Variants in TP63 observed in about 807,000 individuals in gnomAD.
TP63 encodes tumor protein 63.
Under a neutral mutation model 82.8 loss-of-function variants are expected in TP63, and 17 were observed. The ratio of observed to expected loss-of-function variants is 0.21; its 90% CI spans 0.14 to 0.31. The LOEUF (loss-of-function observed/expected upper bound fraction) is 0.31, where lower values mean the gene tolerates loss of function less well. Among genes scored for constraint, TP63 ranks in the 10% least tolerant of loss-of-function variants. The probability of loss-of-function intolerance (pLI) is 1.00; values close to 1 mark genes in which losing one functional copy is unlikely to be tolerated. For synonymous variants in TP63, 330 were observed against 321.7 expected, an observed-to-expected ratio of 1.03 and a Z score of -0.28; for missense variants, 648 against 895.3, an observed-to-expected ratio of 0.72 and a Z score of 3.52.
chr3:189,646,673 A>G (rs1207101822), intron 1 of TP63, among the ~76,000 whole-genome samples: 1 of 146,946 alleles, frequency 6.8e-6, no homozygotes, highest in Non-Finnish European at 1.5e-5. Context: ...AACAAACACA[A>G]GATATAAGGC....
chr3:189,839,526 T>G (rs1713666846), intron 4 of TP63, among the ~76,000 whole-genome samples: 1 of 152,228 alleles, frequency 6.6e-6, no homozygotes, highest in South Asian at 2.1e-4. Context: ...CTCCCCTTTA[T>G]TTTCTTTGTT....
intron 1 of TP63, among the ~76,000 whole-genome samples, chr3:189,728,906 T>A (rs1490880807): frequency 6.6e-6 from 1 of 152,148 alleles, no homozygotes; most frequent in Non-Finnish European, 1.5e-5. Flanking sequence ...AAGGTGAGAT[T>A]TGTGTGGGGA....
chr3:189,829,887 G>A (rs1024927481), intron 4 of TP63: 2 of 385,602 alleles, frequency 5.2e-6, no homozygotes, highest in Admixed American at 3.6e-5. Context: ...TTTCAACCAA[G>A]ATAAACAATT....
chr3:189,829,561 A>G (rs766189821), intron 4 of TP63, among the ~76,000 whole-genome samples: 1 of 152,236 alleles, frequency 6.6e-6, no homozygotes, highest in Non-Finnish European at 1.5e-5. Context: ...AGTTTATTTC[A>G]CTGAAAATGT....
chr3:189,849,200 A>G (rs1715323954), intron 4 of TP63, among the ~76,000 whole-genome samples: 1 of 152,202 alleles, frequency 6.6e-6, no homozygotes, highest in South Asian at 2.1e-4. Flanking sequence ...CTTCATCTTC[A>G]TCCTCTGCAA....
Position 189,768,765 on chromosome 3 carries a change from G to C in TP63, c.324+29991G>C, listed in dbSNP as rs946595113. Among the ~76,000 whole-genome samples, 4 of 152,116 alleles carry C rather than the reference G, an allele frequency of 2.6e-5. No individual in the cohort carries two copies. The East Asian group carries it at 7.7e-4, about 29-fold the overall frequency. ...ACTGAAAACTTATTTGACAGTGGCA[G>C]GTGGGTGCCATAGTGAGACTTCATG... On this transcript the variant is annotated intron_variant, in intron 3 of 13. Coordinates refer to ENST00000264731, the MANE Select transcript of TP63 (RefSeq NM_003722.5).
chr3:189,613,531 T>C, the TP63 span, among the ~76,000 whole-genome samples: 1 of 152,164 alleles, frequency 6.6e-6, no homozygotes, highest in East Asian at 1.9e-4. Context: ...GAAGGGAAAT[T>C]TGGGGTCAGA....
At chr3:189,625,667 A>T in the TP63 span, among the ~76,000 whole-genome samples, 1 of 152,184 alleles carries the variant, frequency 6.6e-6, no homozygotes, top group African/African-American at 2.4e-5. Flanking sequence ...GTAAAGGTGC[A>T]ACATATCTGC....
At chr3:189,831,858 C>A (rs1269202099) in intron 4 of TP63, among the ~76,000 whole-genome samples, 1 of 107,588 alleles carries the variant, frequency 9.3e-6, no homozygotes, top group African/African-American at 3.7e-5. Flanking sequence ...GAGACGGAGT[C>A]TCACTCTGTC....
Position 189,848,239 on chromosome 3 carries a change from T to TTCTCTCTCTCTCTCTCTCTCTCTCTC in TP63, c.580-15987_580-15962dup, listed in dbSNP as rs59468983. Among the ~76,000 whole-genome samples the TTCTCTCTCTCTCTCTCTCTCTCTCTC allele has an allele frequency of 4.9e-3, 469 of 95,946 alleles. 60 individuals are homozygous for TTCTCTCTCTCTCTCTCTCTCTCTCTC. Among genetic ancestry groups the TTCTCTCTCTCTCTCTCTCTCTCTCTC allele is most frequent in the African/African-American group, 0.016 (371 of 23,418 alleles). 62.9% of individuals were successfully genotyped at this position (95,946 alleles called of 152,430 possible). A position where few individuals can be genotyped will look rare whatever the true frequency, so the allele number is the denominator to read the frequency against. ...CTCTGCCTCCTCCTCCTCCTCCTCC[T>TTCTCTCTCTCTCTCTCTCTCTCTCTC]TCTCTCTCTCTCTCTCTCTCTCTCT... On this transcript the variant is annotated intron_variant, in intron 4 of 13. Transcript: ENST00000264731.
chr3:189,772,069 C>T (rs1723420752), intron 3 of TP63, among the ~76,000 whole-genome samples: 1 of 152,172 alleles, frequency 6.6e-6, no homozygotes, highest in African/African-American at 2.4e-5. Flanking sequence ...AATAAACAAA[C>T]CATTATGATG....
intron 1 of TP63, among the ~76,000 whole-genome samples, chr3:189,676,185 A>G (rs1428231031): frequency 6.6e-6 from 1 of 151,838 alleles, no homozygotes; most frequent in Non-Finnish European, 1.5e-5. Context: ...CTTAAGTTCT[A>G]CTCTCTTAGC....
intron 1 of TP63, among the ~76,000 whole-genome samples, chr3:189,703,489 G>A (rs907183971): frequency 1.6e-5 from 2 of 122,272 alleles, no homozygotes; most frequent in East Asian, 5.0e-4. Flanking sequence ...CTATTTTCTA[G>A]GGACCCAATC....
At chr3:189,768,584 A>G (rs903011260) in intron 3 of TP63, among the ~76,000 whole-genome samples, 1 of 152,188 alleles carries the variant, frequency 6.6e-6, no homozygotes, top group Non-Finnish European at 1.5e-5. Context: ...CTATTATTAA[A>G]CAATTGCTTA....
At chr3:189,832,803 A>G (rs1464477830) in intron 4 of TP63, among the ~76,000 whole-genome samples, 6 of 152,200 alleles carry the variant, frequency 3.9e-5, no homozygotes, top group Non-Finnish European at 8.8e-5. Flanking sequence ...ATGCAGAGTT[A>G]TGTGTCTTTC....
At chr3:189,725,442 T>C (rs1405585167) in intron 1 of TP63, among the ~76,000 whole-genome samples, 4 of 152,214 alleles carry the variant, frequency 2.6e-5, no homozygotes, top group Non-Finnish European at 5.9e-5. Context: ...AGATGACTAA[T>C]TTTAAAGTTT....
intron 3 of TP63, among the ~76,000 whole-genome samples, chr3:189,748,906 A>G (rs536789860): frequency 1.3e-5 from 2 of 152,300 alleles, no homozygotes; most frequent in African/African-American, 4.8e-5. Flanking sequence ...GATTTTCAAC[A>G]AGGGCACAAA....
intron 3 of TP63, among the ~76,000 whole-genome samples, chr3:189,760,187 A>G (rs1397900501): frequency 6.6e-6 from 1 of 152,086 alleles, no homozygotes; most frequent in Non-Finnish European, 1.5e-5. Context: ...ATATCTTCAC[A>G]TTTCAAAACC....
intron 4 of TP63, among the ~76,000 whole-genome samples, chr3:189,835,484 C>T (rs1162915021): frequency 6.6e-6 from 1 of 152,142 alleles, no homozygotes; most frequent in East Asian, 1.9e-4. Flanking sequence ...GTGTATATAC[C>T]AGCCTCCTGG....
Sources: allele counts gnomAD v4.1 joint callset (sites outside exome capture counted in the v4.1 genomes callset), GRCh38; gene constraint gnomAD v4.1.1; transcripts MANE v1.5; gene names NCBI Gene and HGNC (gene_info 2026-07-23, HGNC 2026-07-21).